Variants in KLHL32 observed in about 807,000 individuals in gnomAD.
KLHL32 encodes the protein kelch-like protein 32.
A neutral mutation model predicts 64.8 loss-of-function variants in KLHL32; 35 were observed. That is an observed-to-expected ratio of 0.54 (90% CI 0.41 to 0.72). KLHL32 has a LOEUF of 0.72. Ranked by LOEUF, KLHL32 falls within the 30% of genes least tolerant of loss-of-function variation. The pLI, the probability that KLHL32 is intolerant of heterozygous loss-of-function variation, is 0.00. For missense variants in KLHL32, 589 were observed against 768.5 expected (o/e 0.77, Z 2.76); for synonymous variants, 259 against 281.0 (o/e 0.92, Z 0.78).
intron 7 of KLHL32, among the ~76,000 whole-genome samples, chr6:97,116,578 T>C (rs1797826116): frequency 2.6e-5 from 4 of 152,218 alleles, no homozygotes; most frequent in Admixed American, 1.3e-4. Flanking sequence ...CTCATAAATA[T>C]TTTAATAAAT....
intron 7 of KLHL32, among the ~76,000 whole-genome samples, chr6:97,121,786 A>C (rs1335988956): frequency 6.6e-6 from 1 of 152,210 alleles, no homozygotes; most frequent in Non-Finnish European, 1.5e-5. Context: ...TGTTCTACTA[A>C]AGAATATGTG....
intron 4 of KLHL32, among the ~76,000 whole-genome samples, chr6:97,045,343 A>G (rs1379938273): frequency 2.0e-5 from 3 of 152,222 alleles, no homozygotes; most frequent in Admixed American, 6.5e-5. Flanking sequence ...GAAGAAAGAT[A>G]CCATCTCTAA....
intron 10 of KLHL32, among the ~76,000 whole-genome samples, chr6:97,138,108 G>T (rs1433575465): frequency 1.3e-5 from 2 of 152,200 alleles, no homozygotes; most frequent in African/African-American, 4.8e-5. Context: ...GATGATAACT[G>T]CAGACTTGAA....
chr6:97,106,168 C>T (rs118022407), intron 6 of KLHL32, among the ~76,000 whole-genome samples: 1,579 of 152,224 alleles, frequency 0.01, 9 homozygotes, highest in Non-Finnish European at 0.018. Context: ...GAATTAGAAT[C>T]ACAATATGAG....
At chr6:97,075,681 T>G (rs1308978919) in intron 5 of KLHL32, among the ~76,000 whole-genome samples, 3 of 152,144 alleles carry the variant, frequency 2.0e-5, no homozygotes, top group Non-Finnish European at 4.4e-5. Context: ...TTATGTTGCT[T>G]TCTCTACTCC....
At chr6:96,970,228 C>T (rs1451390220) in intron 2 of KLHL32, among the ~76,000 whole-genome samples, 4 of 152,200 alleles carry the variant, frequency 2.6e-5, no homozygotes, top group African/African-American at 9.6e-5. Flanking sequence ...GCTCTTGGTA[C>T]TACAGCTTGA....
chr6:97,138,759 G>C (rs776392343), intron 10 of KLHL32, among the ~76,000 whole-genome samples: 6 of 152,138 alleles, frequency 3.9e-5, no homozygotes, highest in African/African-American at 9.7e-5. Context: ...TCACAGATGA[G>C]GATGTTTAAG....
At chr6:97,097,904 T>C (rs966121993) in intron 6 of KLHL32, among the ~76,000 whole-genome samples, 1 of 152,166 alleles carries the variant, frequency 6.6e-6, no homozygotes, top group African/African-American at 2.4e-5. Flanking sequence ...TGGGCACATA[T>C]ATGAAAGTGA....
At chr6:97,131,537 G>A (rs989702221) in intron 9 of KLHL32, among the ~76,000 whole-genome samples, 2 of 152,266 alleles carry the variant, frequency 1.3e-5, no homozygotes, top group Middle Eastern at 3.4e-3. Context: ...AAGGATGAAA[G>A]TAACACGGTG....
chr6:97,046,085 A>G (rs1196690480), intron 4 of KLHL32, among the ~76,000 whole-genome samples: 1 of 152,236 alleles, frequency 6.6e-6, no homozygotes, highest in East Asian at 1.9e-4. Context: ...GGCATATGAC[A>G]GTCTGTGGCA....
chr6:97,126,841 C>A (rs775251724), intron 7 of KLHL32, among the ~76,000 whole-genome samples: 31 of 151,842 alleles, frequency 2.0e-4, no homozygotes, highest in Non-Finnish European at 1.8e-4. Flanking sequence ...TTCACTGTTT[C>A]TTTTTACTTT....
At chr6:97,132,901 G>A (rs1416976539) in intron 10 of KLHL32, among the ~76,000 whole-genome samples, 154 bp downstream of exon 10, 8 of 152,096 alleles carry the variant, frequency 5.3e-5, no homozygotes, top group Non-Finnish European at 1.2e-4. Context: ...ACTTCATCCT[G>A]TATCCTAAAA....
intron 5 of KLHL32, among the ~76,000 whole-genome samples, chr6:97,065,315 A>G (rs1156469334): frequency 1.3e-5 from 2 of 152,208 alleles, no homozygotes; most frequent in Non-Finnish European, 2.9e-5. Context: ...CAGTTGTTTC[A>G]CATTCAGTCC....
chr6:97,038,612 G>C (rs1383639209), intron 3 of KLHL32, among the ~76,000 whole-genome samples: 1 of 151,950 alleles, frequency 6.6e-6, no homozygotes, highest in African/African-American at 2.4e-5. Context: ...GGTTCCTCAA[G>C]AAACTAAAAA....
intron 2 of KLHL32, 31 bp from the exon 3 acceptor site, chr6:96,975,966 A>G (rs764472350): frequency 1.1e-5 from 16 of 1,492,610 alleles, no homozygotes; most frequent in Non-Finnish European, 1.4e-5. Flanking sequence ...GGGAAAAGGA[A>G]AAATGTTGAC....
intron 7 of KLHL32, among the ~76,000 whole-genome samples, chr6:97,118,405 G>T (rs1008226586): frequency 6.6e-6 from 1 of 152,092 alleles, no homozygotes; most frequent in African/African-American, 2.4e-5. Flanking sequence ...GATCGCCTGA[G>T]ATTAGGAGTT....
intron 3 of KLHL32, among the ~76,000 whole-genome samples, chr6:97,028,160 G>A (rs76631508): frequency 0.032 from 4,908 of 152,082 alleles, 240 homozygotes; most frequent in African/African-American, 0.11. Flanking sequence ...TGGTTCACCT[G>A]GGGCTTTCGT....
intron 2 of KLHL32, among the ~76,000 whole-genome samples, 154 bp from the exon 3 acceptor site, chr6:96,975,843 T>C (rs1775631336): frequency 6.6e-6 from 1 of 151,600 alleles, no homozygotes; most frequent in African/African-American, 2.4e-5. Flanking sequence ...AACAAGAGAA[T>C]GGTGGAGAGA....
At chr6:97,102,248 A>G (rs1795827141) in intron 6 of KLHL32, among the ~76,000 whole-genome samples, 1 of 152,234 alleles carries the variant, frequency 6.6e-6, no homozygotes, top group Non-Finnish European at 1.5e-5. Flanking sequence ...AGAAAAAAGC[A>G]TCAGGATTTC....
Sources: allele counts gnomAD v4.1 joint callset (sites outside exome capture counted in the v4.1 genomes callset), GRCh38; gene constraint gnomAD v4.1.1; transcripts MANE v1.5; gene names NCBI Gene and HGNC (gene_info 2026-07-23, HGNC 2026-07-21).